Variants in SV2B observed in about 807,000 individuals in gnomAD.
SV2B encodes the protein synaptic vesicle glycoprotein 2B.
SV2B carries 41 observed loss-of-function variants against 73.9 expected under a neutral mutation model. The observed-to-expected ratio is 0.56, with a 90% CI of 0.43 to 0.72. The LOEUF is 0.72. Ranked by LOEUF, SV2B falls within the 30% of genes least tolerant of loss-of-function variation. SV2B has a pLI of 0.00. For missense variants in SV2B, 764 were observed against 857.8 expected (o/e 0.89, Z 1.37); for synonymous variants, 314 against 314.2 (o/e 1.00, Z 0.01).
chr15:91,106,658 A>T lies in SV2B; in HGVS notation c.-392+6295A>T, dbSNP rs940057623. 6.6e-6 allele frequency among the ~76,000 whole-genome samples: 1 copy of T among 152,224 alleles called. No homozygotes were observed. Among genetic ancestry groups the T allele is most frequent in the Admixed American group, 6.5e-5 (1 of 15,280 alleles). On this transcript the variant is annotated intron_variant, in intron 1 of 12. Transcript: ENST00000394232. The surrounding 1 kb of genome is among the most constrained non-coding windows in gnomAD (Gnocchi z 4.4). ...AAAGAGGAACAAGTGGAAACCAAAA[A>T]ATAGCTCATATTTTCAAAAAATGAG...
chr15:91,281,273 A>G lies in SV2B; in HGVS notation c.1374-455A>G, dbSNP rs1311914052. On this transcript the variant is annotated intron_variant, in intron 9 of 12. Coordinates refer to ENST00000394232, the MANE Select transcript of SV2B (RefSeq NM_001323032.3). The surrounding 1 kb of genome is among the most constrained non-coding windows in gnomAD (Gnocchi z 4.7). ...TACCAATAGTATGAATGAAAGGCCT[A>G]TTTCCCCACATCTTTGTTGGGACAA... is the stretch of plus-strand genomic sequence containing the variant. 2.0e-5 allele frequency among the ~76,000 whole-genome samples: 3 copies of G among 152,210 alleles called. No homozygotes were observed. Among genetic ancestry groups the G allele is most frequent in the Admixed American group, 2.0e-4 (3 of 15,286 alleles).
intron 2 of SV2B, among the ~76,000 whole-genome samples, chr15:91,228,994 C>T (rs528038461): frequency 2.6e-4 from 39 of 152,314 alleles, no homozygotes; most frequent in South Asian, 2.1e-3. Flanking sequence ...TCACATAGCT[C>T]GTAAGTGTTG....
In SV2B at chr15:91,128,889, G is replaced by A. The variant is rs2042564419; in HGVS notation, c.-392+28526G>A. On this transcript the variant is annotated intron_variant, in intron 1 of 12. Coordinates refer to ENST00000394232, the MANE Select transcript of SV2B (RefSeq NM_001323032.3). This position sits in a 1 kb window ranked among gnomAD's most constrained non-coding sequence, Gnocchi z 4.2. ...TGTCCAATCATATTTCTCCATGGCT[G>A]TCTATACTTTGTTGAACCCATGCAT... The A allele has an allele frequency of 6.6e-6, 1 of 152,246 alleles. No homozygotes were observed. The highest frequency in any genetic ancestry group is 2.4e-5 in the African/African-American group (1 of 41,470). 9.4% of individuals were successfully genotyped at this position (152,246 alleles called of 1,614,324 possible).
rs1050848779 is a variant in SV2B at position 91,124,945 on chromosome 15, C to T, written c.-392+24582C>T. On this transcript the variant is annotated intron_variant, in intron 1 of 12. Transcript: ENST00000394232. This position sits in a 1 kb window ranked among gnomAD's most constrained non-coding sequence, Gnocchi z 4.6. Reference sequence around the variant, plus strand: ...CTGATATTACAGGTGTGAGCCACTGCGCCCAGCCCAGAAATTTATTTCTGG... The same window carrying T: ...CTGATATTACAGGTGTGAGCCACTGTGCCCAGCCCAGAAATTTATTTCTGG... Among the ~76,000 whole-genome samples, 7 of 152,156 alleles carry T rather than the reference C, an allele frequency of 4.6e-5. No homozygotes were observed. The highest frequency in any genetic ancestry group is 1.5e-5 in the Non-Finnish European group (1 of 68,040).
rs1474302175 is a variant in SV2B, at chr15:91,302,251, A to T, written c.*9699A>T. On this transcript the variant is annotated 3_prime_UTR_variant, in exon 13 of 13. Coordinates refer to ENST00000394232, the MANE Select transcript of SV2B (RefSeq NM_001323032.3). ...GTGAAGTGTCATATGTAAAAGAGTT[A>T]ATTCTCAGATTGATTCAAATGCGGA... Among the ~76,000 whole-genome samples, 1 of 152,126 alleles carries T rather than the reference A, an allele frequency of 6.6e-6. No homozygotes were observed. Among genetic ancestry groups the T allele is most frequent in the Non-Finnish European group, 1.5e-5 (1 of 68,024 alleles).
rs116503425 is a variant in SV2B at position 91,162,441 on chromosome 15, A to C, written c.-392+62078A>C. ...AAAAGAAGTAGGAACACTTATTTTC[A>C]TTGGCTTGGAAAGCTGTATATTATT... On this transcript the variant is annotated intron_variant, in intron 1 of 12. Transcript: ENST00000394232. Among the ~76,000 whole-genome samples, 326 of 152,366 alleles carry C rather than the reference A, an allele frequency of 2.1e-3. 1 individual carries two copies. Among genetic ancestry groups the C allele is most frequent in the African/African-American group, 7.7e-3 (321 of 41,582 alleles).
chr15:91,177,857 C>G (rs1216843913), intron 1 of SV2B, among the ~76,000 whole-genome samples: 1 of 143,988 alleles, frequency 6.9e-6, no homozygotes, highest in African/African-American at 2.8e-5. Flanking sequence ...ATTTGACTTC[C>G]TCTTTTCCTA....
At chr15:91,221,525 C>G (rs1222456846) in intron 1 of SV2B, among the ~76,000 whole-genome samples, 1 of 152,050 alleles carries the variant, frequency 6.6e-6, no homozygotes, top group African/African-American at 2.4e-5. Context: ...GAATTTGGCT[C>G]CTTAGGGTCA....
rs541660631 is a variant in SV2B at position 91,140,194 on chromosome 15, C to T, written c.-392+39831C>T. Among the ~76,000 whole-genome samples the T allele has an allele frequency of 5.3e-5, 8 of 152,304 alleles. No individual in the cohort carries two copies. Among genetic ancestry groups the T allele is most frequent in the South Asian group, 4.2e-4 (2 of 4,818 alleles). On this transcript the variant is annotated intron_variant, in intron 1 of 12. Transcript: ENST00000394232. This position sits in a 1 kb window ranked among gnomAD's most constrained non-coding sequence, Gnocchi z 4.4. ...TCCATCCAGCTATTAACAAACATTCCGTGAGTATCACAATGCTCATTATTT... is the reference window on the plus strand; with the variant it reads ...TCCATCCAGCTATTAACAAACATTCTGTGAGTATCACAATGCTCATTATTT...
chr15:91,190,364 A>G (rs1275009694), intron 1 of SV2B, among the ~76,000 whole-genome samples: 2 of 149,634 alleles, frequency 1.3e-5, no homozygotes, highest in Non-Finnish European at 3.0e-5. Flanking sequence ...TTTTTCTTGC[A>G]TAATTGTCTT....
Position 91,280,119 on chromosome 15 carries a change from G to A in SV2B, c.1374-1609G>A, listed in dbSNP as rs773643063. Among the ~76,000 whole-genome samples the A allele has an allele frequency of 6.6e-6, 1 of 152,216 alleles. No individual in the cohort carries two copies. Among genetic ancestry groups the A allele is most frequent in the Non-Finnish European group, 1.5e-5 (1 of 68,038 alleles). ...TAACCTCAAGTTTATTCTGATGCAA[G>A]TGGTCTGGGGTCCTGCTTTTGGTGA... On this transcript the variant is annotated intron_variant, in intron 9 of 12. Coordinates refer to ENST00000394232, the MANE Select transcript of SV2B (RefSeq NM_001323032.3). The surrounding 1 kb of genome is among the most constrained non-coding windows in gnomAD (Gnocchi z 5.8).
chr15:91,162,145 T>G (rs2043742301), intron 1 of SV2B, among the ~76,000 whole-genome samples: 1 of 151,488 alleles, frequency 6.6e-6, no homozygotes, highest in Non-Finnish European at 1.5e-5. Context: ...TTTAGAGGAG[T>G]ATAAATCAAT....
rs1376126560 is a variant in SV2B, at chr15:91,239,787, T to C, written c.452-12032T>C. ...GATCAAGAATTTTCAAAGTAGGTGG[T>C]ACCAGAGTTGGTTCGATGACTCACT... On this transcript the variant is annotated intron_variant, in intron 2 of 12. Coordinates refer to ENST00000394232, the MANE Select transcript of SV2B (RefSeq NM_001323032.3). This position sits in a 1 kb window ranked among gnomAD's most constrained non-coding sequence, Gnocchi z 5.1. 6.6e-6 allele frequency among the ~76,000 whole-genome samples: 1 copy of C among 152,196 alleles called. No individual in the cohort carries two copies. Among genetic ancestry groups the C allele is most frequent in the Non-Finnish European group, 1.5e-5 (1 of 68,036 alleles).
intron 1 of SV2B, among the ~76,000 whole-genome samples, chr15:91,148,693 G>C (rs1362126710): frequency 6.6e-6 from 1 of 152,144 alleles, no homozygotes; most frequent in Non-Finnish European, 1.5e-5. Context: ...ACATGATTTT[G>C]CAGGCTGAGA....
At chr15:91,102,132 A>C (rs2041744802) in intron 1 of SV2B, 1 of 152,194 alleles carries the variant, frequency 6.6e-6, no homozygotes, top group Non-Finnish European at 1.5e-5. Flanking sequence ...GGGAGATGAA[A>C]ATCCAATCTC....
Position 91,295,193 on chromosome 15 carries a change from G to C in SV2B, c.*2641G>C, listed in dbSNP as rs138751375. 6.6e-6 allele frequency: 1 copy of C among 152,484 alleles called. No homozygotes were observed. The highest frequency in any genetic ancestry group is 1.9e-4 in the East Asian group (1 of 5,180). The allele number at this position is 152,484 out of a possible 1,614,324, so 9.4% of individuals were successfully genotyped here. ...GATGTATTTTATGATGCCCAGCTTG[G>C]AAATAGTTGCTTTCCATAGTCTCAA... On this transcript the variant is annotated 3_prime_UTR_variant, in exon 13 of 13. Transcript: ENST00000394232.
chr15:91,287,863 G>A (rs1459062685), intron 11 of SV2B, among the ~76,000 whole-genome samples: 2 of 152,178 alleles, frequency 1.3e-5, no homozygotes, highest in African/African-American at 4.8e-5. Flanking sequence ...CACCTCTATG[G>A]CTGTGAGGAC....
chr15:91,218,549 G>A lies in SV2B; in HGVS notation c.-391-7324G>A, dbSNP rs1309207746. Reference sequence around the variant, plus strand: ...ACATATGAATATCTCATTAGTACCCGTCTGAGTGTGTTGACTCTTCTCTTT... The same window carrying A: ...ACATATGAATATCTCATTAGTACCCATCTGAGTGTGTTGACTCTTCTCTTT... On this transcript the variant is annotated intron_variant, in intron 1 of 12. Coordinates refer to ENST00000394232, the MANE Select transcript of SV2B (RefSeq NM_001323032.3). 4.5e-4 allele frequency among the ~76,000 whole-genome samples: 68 copies of A among 152,180 alleles called. 1 individual carries two copies. Among genetic ancestry groups the A allele is most frequent in the South Asian group, 2.1e-4 (1 of 4,820 alleles).
chr15:91,277,049 C>T (rs1010859534), intron 9 of SV2B, among the ~76,000 whole-genome samples: 6 of 151,998 alleles, frequency 3.9e-5, no homozygotes, highest in South Asian at 4.2e-4. Flanking sequence ...CTCAAATTCC[C>T]GACATCAGGT....
Sources: allele counts gnomAD v4.1 joint callset (sites outside exome capture counted in the v4.1 genomes callset), GRCh38; gene constraint gnomAD v4.1.1; non-coding constraint Gnocchi (gnomAD v3.1); transcripts MANE v1.5; gene names NCBI Gene and HGNC (gene_info 2026-07-23, HGNC 2026-07-21).